The following PTPRJ variants were observed in gnomAD, a reference collection of about 807,000 sequenced individuals.
PTPRJ encodes receptor-type tyrosine-protein phosphatase eta.
PTPRJ carries 129 observed loss-of-function variants against 141.3 expected under a neutral mutation model. The observed-to-expected ratio is 0.91, with a 90% CI of 0.79 to 1.06. The LOEUF (loss-of-function observed/expected upper bound fraction) is 1.06. PTPRJ is among the 50% of genes least tolerant of loss of function. The pLI, the probability that PTPRJ is intolerant of heterozygous loss-of-function variation, is 0.00. For synonymous variants in PTPRJ, 610 were observed against 640.5 expected, an observed-to-expected ratio of 0.95 and a Z score of 0.72; for missense variants, 1,601 against 1,679.7, an observed-to-expected ratio of 0.95 and a Z score of 0.82.
intron 1 of PTPRJ, among the ~76,000 whole-genome samples, chr11:48,086,658 G>C (rs1424888224): frequency 2.0e-5 from 3 of 152,166 alleles, no homozygotes; most frequent in African/African-American, 7.2e-5. Context: ...TCTTTTCCTG[G>C]GATTTATTGA....
intron 8 of PTPRJ, 149 bp downstream of exon 8, chr11:48,130,865 A>T (rs895306890): frequency 9.0e-6 from 8 of 886,990 alleles, no homozygotes; most frequent in Non-Finnish European, 1.1e-5. Context: ...CTTATTTATT[A>T]TATGAAATAC....
In PTPRJ at chr11:48,144,708, C is replaced by A. The variant is rs757192329; in HGVS notation, c.2609C>A (p.Thr870Lys). The A allele has an allele frequency of 3.1e-6, 5 of 1,613,900 alleles. No homozygotes were observed. The highest frequency in any genetic ancestry group is 4.2e-6 in the Non-Finnish European group (5 of 1,179,894). Residue 870 changes from threonine (T) to lysine (K), a missense_variant, in exon 13 of 25, where the codon ACG (threonine) becomes AAG (lysine). Thr to Lys is a moderately conservative substitution (Grantham distance 78). Coordinates refer to ENST00000418331, the MANE Select transcript of PTPRJ (RefSeq NM_002843.4). The stretch of plus-strand genomic sequence containing the variant: ...CCTTCTGCAGATGTCCTGAAATACA[C>A]GTATGAGGATTTCAAAAAGGGAGCC... ...GHPSADVLKYTYEDFKKGASD... is the reference protein window; with the variant it reads ...GHPSADVLKYKYEDFKKGASD...
chr11:48,010,813 G>A (rs906976251), intron 1 of PTPRJ, among the ~76,000 whole-genome samples: 4 of 152,140 alleles, frequency 2.6e-5, no homozygotes, highest in Non-Finnish European at 5.9e-5. Flanking sequence ...TGGAAATATA[G>A]GTGTGAGCCA....
At chr11:48,060,939 C>T (rs1214539425) in intron 1 of PTPRJ, among the ~76,000 whole-genome samples, 1 of 152,330 alleles carries the variant, frequency 6.6e-6, no homozygotes, top group East Asian at 1.9e-4. Context: ...GGGGACCAGT[C>T]CTGGCTCTGC....
At chr11:48,042,742 CTGTGTGTGTGTGTAGGGGTGTGTG>C (rs1159299638) in intron 1 of PTPRJ, among the ~76,000 whole-genome samples, 6 of 145,772 alleles carry the variant, frequency 4.1e-5, no homozygotes, top group South Asian at 4.4e-4. Flanking sequence ...TTTCTTTTGC[CTGTGTGTGTGTGTAGGGGTGTGTG>C]TGTGTGTGTG....
At chr11:48,102,610 C>G (rs889858789) in intron 1 of PTPRJ, among the ~76,000 whole-genome samples, 1 of 151,976 alleles carries the variant, frequency 6.6e-6, no homozygotes, top group Non-Finnish European at 1.5e-5. Context: ...CGGGGTTTCA[C>G]CATGTTACAG....
chr11:48,132,395 T>G (rs528464143), intron 8 of PTPRJ: 16 of 978,616 alleles, frequency 1.6e-5, no homozygotes, highest in Non-Finnish European at 1.9e-5. Context: ...AGAAACAGTT[T>G]AAATTATTAA....
In PTPRJ at chr11:48,164,375, C is replaced by G. The variant is rs754816393; in HGVS notation, c.3720-5C>G. The G allele has an allele frequency of 3.7e-6, 6 of 1,612,826 alleles. No homozygotes were observed. Among genetic ancestry groups the G allele is most frequent in the African/African-American group, 2.7e-5 (2 of 74,824 alleles). ...TGTAATAGGCTTATTTCTCTTTTCT[C>G]TCAGTGCTGGGGTCGGAAGGACGGG... On this transcript the variant is annotated splice_polypyrimidine_tract_variant and splice_region_variant and intron_variant, in intron 23 of 24. Coordinates refer to ENST00000418331, the MANE Select transcript of PTPRJ (RefSeq NM_002843.4).
At chr11:48,068,337 G>A (rs1487669306) in intron 1 of PTPRJ, among the ~76,000 whole-genome samples, 1 of 152,188 alleles carries the variant, frequency 6.6e-6, no homozygotes, top group East Asian at 1.9e-4. Flanking sequence ...CATGTTTCAA[G>A]GGTGGGACCA....
chr11:48,167,407 C>T lies in PTPRJ; in HGVS notation c.*45C>T, dbSNP rs754309585. 3.2e-6 allele frequency: 5 copies of T among 1,581,644 alleles called. No individual in the cohort carries two copies. Among genetic ancestry groups the T allele is most frequent in the East Asian group, 2.2e-5 (1 of 44,584 alleles). On this transcript the variant is annotated 3_prime_UTR_variant, in exon 25 of 25. Coordinates refer to ENST00000418331, the MANE Select transcript of PTPRJ (RefSeq NM_002843.4). ...CTGGAGTGAACCAGACCGTCGCACC[C>T]ACAGCGAAGGCACATGCCCCGATGT...
chr11:48,131,571 G>A, intron 8 of PTPRJ: 2 of 760,552 alleles, frequency 2.6e-6, no homozygotes, highest in Non-Finnish European at 4.9e-6. Context: ...GATAAGAATG[G>A]CCCCTATGCC....
intron 22 of PTPRJ, among the ~76,000 whole-genome samples, chr11:48,161,472 G>T (rs766619513): frequency 1.5e-4 from 23 of 152,110 alleles, no homozygotes; most frequent in Non-Finnish European, 2.9e-4. Context: ...TTTACTAATT[G>T]CTGTGTCTCA....
intron 1 of PTPRJ, among the ~76,000 whole-genome samples, chr11:47,993,870 C>T (rs1854262192): frequency 6.6e-6 from 1 of 151,610 alleles, no homozygotes; most frequent in Non-Finnish European, 1.5e-5. Flanking sequence ...GCTCTGTTGC[C>T]CAGGCTGGAG....
Position 48,123,802 on chromosome 11 carries a change from A to G in PTPRJ, c.806A>G (p.Asn269Ser). 6.2e-7 allele frequency: 1 copy of G among 1,614,074 alleles called. No individual in the cohort carries two copies. Among genetic ancestry groups the G allele is most frequent in the Non-Finnish European group, 8.5e-7 (1 of 1,179,962 alleles). Residue 269 changes from asparagine (N) to serine (S), a missense_variant, in exon 5 of 25, where the codon AAC becomes AGC. Coordinates refer to ENST00000418331, the MANE Select transcript of PTPRJ (RefSeq NM_002843.4). ...ISGLKPGVQY[N>S]INPYLLQSNK... ...GGCCTGAAGCCAGGGGTTCAATACA[A>G]CATCAACCCGTATCTTCTACAATCA...
At chr11:48,075,870 G>A (rs1210730247) in intron 1 of PTPRJ, among the ~76,000 whole-genome samples, 1 of 152,116 alleles carries the variant, frequency 6.6e-6, no homozygotes, top group African/African-American at 2.4e-5. Flanking sequence ...AGATGTAGCC[G>A]GAGTTCCAGT....
intron 1 of PTPRJ, among the ~76,000 whole-genome samples, chr11:47,992,469 A>G (rs915168799): frequency 2.6e-5 from 4 of 152,142 alleles, no homozygotes; most frequent in Non-Finnish European, 5.9e-5. Context: ...CACCGCGCCC[A>G]AGTATAGGCC....
At chr11:48,079,169 T>C (rs1391134490) in intron 1 of PTPRJ, among the ~76,000 whole-genome samples, 1 of 150,590 alleles carries the variant, frequency 6.6e-6, no homozygotes, top group African/African-American at 2.5e-5. Flanking sequence ...AAAAAAAAAA[T>C]CACAAAAAAT....
At chr11:48,061,328 G>C (rs1420117202) in intron 1 of PTPRJ, among the ~76,000 whole-genome samples, 1 of 152,134 alleles carries the variant, frequency 6.6e-6, no homozygotes, top group Admixed American at 6.5e-5. Flanking sequence ...ACACATAGGA[G>C]TGGCCACCTG....
At chr11:48,010,509 A>G (rs1854754808) in intron 1 of PTPRJ, among the ~76,000 whole-genome samples, 1 of 151,846 alleles carries the variant, frequency 6.6e-6, no homozygotes, top group African/African-American at 2.4e-5. Context: ...GAATGAATTG[A>G]AGACATGGGA....
Sources: gnomAD v4.1 joint callset for allele counts (sites outside exome capture counted in the v4.1 genomes callset) on GRCh38, gnomAD v4.1.1 for gene constraint, MANE v1.5 for transcripts, NCBI Gene and HGNC (gene_info 2026-07-23, HGNC 2026-07-21) for gene names.